The following HERPUD2 variants were observed in gnomAD, a reference collection of about 807,000 sequenced individuals.
The protein encoded by HERPUD2 is HERPUD family member 2, also known as homocysteine-responsive endoplasmic reticulum-resident ubiquitin-like domain member 2 protein.
A neutral mutation model predicts 49.9 loss-of-function variants in HERPUD2; 13 were observed. That is an observed-to-expected ratio of 0.26 (90% CI 0.17 to 0.41). The LOEUF (loss-of-function observed/expected upper bound fraction) is 0.41. Among genes scored for constraint, HERPUD2 ranks in the 10% least tolerant of loss-of-function variants. HERPUD2 has a pLI of 1.00. For synonymous variants in HERPUD2, 172 were observed against 171.4 expected (o/e 1.00, Z -0.03); for missense variants, 449 against 492.2 (o/e 0.91, Z 0.83).
At chr7:35,680,322 T>C (rs2116008856) in intron 2 of HERPUD2, among the ~76,000 whole-genome samples, 1 of 151,730 alleles carries the variant, frequency 6.6e-6, no homozygotes, top group East Asian at 1.9e-4. Context: ...GGTGAGAGGA[T>C]CACTTGAGCC....
At chr7:35,647,815 T>A (rs1203897938) in intron 5 of HERPUD2, among the ~76,000 whole-genome samples, 1 of 152,218 alleles carries the variant, frequency 6.6e-6, no homozygotes. Flanking sequence ...AAGTGGCAGA[T>A]AACAGTGCTG....
intron 2 of HERPUD2, among the ~76,000 whole-genome samples, chr7:35,674,671 C>T (rs1187600533): frequency 6.6e-6 from 1 of 151,470 alleles, no homozygotes; most frequent in African/African-American, 2.4e-5. Flanking sequence ...CACCCCCACC[C>T]CCAACCTCCA....
intron 2 of HERPUD2, among the ~76,000 whole-genome samples, chr7:35,673,871 T>C (rs781239789): frequency 2.6e-5 from 4 of 152,170 alleles, no homozygotes; most frequent in Non-Finnish European, 5.9e-5. Context: ...TTGTTAAGTT[T>C]TTCAAAAACA....
chr7:35,675,305 T>C (rs1785738257), intron 2 of HERPUD2, among the ~76,000 whole-genome samples: 1 of 152,226 alleles, frequency 6.6e-6, no homozygotes, highest in Non-Finnish European at 1.5e-5. Flanking sequence ...AGAAACTCAG[T>C]TAGTTTTTTC....
intron 5 of HERPUD2, among the ~76,000 whole-genome samples, chr7:35,642,871 T>C (rs761428801): frequency 6.6e-5 from 10 of 152,188 alleles, no homozygotes; most frequent in Non-Finnish European, 1.5e-4. Flanking sequence ...GCTTAGTACC[T>C]GGGTGACCAA....
intron 4 of HERPUD2, 40 bp from the exon 5 acceptor site, chr7:35,667,628 C>T: frequency 6.7e-7 from 1 of 1,493,240 alleles, no homozygotes; most frequent in South Asian, 1.2e-5. Flanking sequence ...AGATTTAGTT[C>T]TTTACAATCA....
chr7:35,687,154 A>C (rs937595726), intron 2 of HERPUD2, among the ~76,000 whole-genome samples: 1 of 152,184 alleles, frequency 6.6e-6, no homozygotes, highest in Non-Finnish European at 1.5e-5. Context: ...TAACACAATA[A>C]AAGTTCATTC....
intron 5 of HERPUD2, among the ~76,000 whole-genome samples, chr7:35,659,182 T>C (rs1400167899): frequency 6.6e-6 from 1 of 152,212 alleles, no homozygotes; most frequent in Non-Finnish European, 1.5e-5. Context: ...CTTGCACATT[T>C]TAAGGCTAAG....
chr7:35,665,677 G>T (rs1352805591), intron 5 of HERPUD2, among the ~76,000 whole-genome samples: 3 of 152,184 alleles, frequency 2.0e-5, no homozygotes, highest in Non-Finnish European at 2.9e-5. Context: ...CCCATCTTCT[G>T]CATCGTTCAT....
intron 2 of HERPUD2, among the ~76,000 whole-genome samples, chr7:35,687,945 T>C (rs1267145552): frequency 6.6e-6 from 1 of 152,218 alleles, no homozygotes; most frequent in Non-Finnish European, 1.5e-5. Context: ...TATATCCAAC[T>C]TCAGCATAAT....
rs1397642997 is a variant in HERPUD2, at chr7:35,633,767, T to C, written c.1144A>G (p.Met382Val). The change falls in exon 9 of 9, where the codon ATG becomes GTG. Residue 382 changes from methionine (M) to valine (V), a missense_variant. Met to Val is a conservative substitution (Grantham distance 21). Coordinates refer to ENST00000311350, the MANE Select transcript of HERPUD2 (RefSeq NM_022373.5). ...DASAIQRPGL[M>V]ASAWSFITTF... ...GTGATGAAAGACCAAGCTGAAGCCA[T>C]TAATCCAGGCCTTTGAATTGCACTG... The C allele has an allele frequency of 1.2e-6, 2 of 1,614,086 alleles. No homozygotes were observed. Among genetic ancestry groups the C allele is most frequent in the South Asian group, 1.1e-5 (1 of 91,076 alleles).
intron 5 of HERPUD2, among the ~76,000 whole-genome samples, chr7:35,655,894 C>G (rs1199518195): frequency 1.3e-5 from 2 of 152,214 alleles, no homozygotes; most frequent in Admixed American, 1.3e-4. Flanking sequence ...AGTGTGGTGG[C>G]TCACGCCTGT....
rs185897544 is a variant in HERPUD2, at chr7:35,652,325, G to A, written c.495-13853C>T. Among the ~76,000 whole-genome samples the A allele has an allele frequency of 3.8e-3, 570 of 150,424 alleles. 6 individuals carry two copies. The highest frequency in any genetic ancestry group is 0.01 in the Middle Eastern group (3 of 292). On this transcript the variant is annotated intron_variant, in intron 5 of 8. Coordinates refer to ENST00000311350, the MANE Select transcript of HERPUD2 (RefSeq NM_022373.5). Reference sequence around the variant, plus strand: ...GTCAGTAAATTCTTTTTACCAACCTGCAAGTTGACCACTTCCTGGTGCCAG... The same window carrying A: ...GTCAGTAAATTCTTTTTACCAACCTACAAGTTGACCACTTCCTGGTGCCAG...
intron 5 of HERPUD2, among the ~76,000 whole-genome samples, chr7:35,652,572 G>A (rs1172055509): frequency 6.7e-6 from 1 of 149,362 alleles, no homozygotes; most frequent in Non-Finnish European, 1.5e-5. Context: ...TATTTGAAGT[G>A]AAGAAAGAAA....
At chr7:35,635,555 A>AT (rs1784858322) in intron 6 of HERPUD2, 97 bp from the exon 7 acceptor site, 12 of 1,002,348 alleles carry the variant, frequency 1.2e-5, no homozygotes, top group Non-Finnish European at 1.7e-5. Flanking sequence ...ATTTTTCATA[A>AT]ACCTAATATG....
chr7:35,684,823 G>A (rs969052776), intron 2 of HERPUD2, among the ~76,000 whole-genome samples: 1 of 152,088 alleles, frequency 6.6e-6, no homozygotes, highest in African/African-American at 2.4e-5. Context: ...GGGTACACCA[G>A]AATATCATAA....
At chr7:35,645,002 G>A (rs566490762) in intron 5 of HERPUD2, among the ~76,000 whole-genome samples, 17 of 152,184 alleles carry the variant, frequency 1.1e-4, no homozygotes, top group African/African-American at 4.1e-4. Context: ...ACTGTTTACA[G>A]ATAAAATTAT....
In HERPUD2 at chr7:35,667,571, T is replaced by A. The variant is rs1421647548; in HGVS notation, c.357A>T (p.Gly119=). ...SSSNSSSDHS[G]STTPSSGQET... is the part of the protein sequence containing the mutation. ...CTTGACCAGATGATGGAGTTGTTGA[T>A]CCTGAATGATCTGAACTCTACAAAT... The change falls in exon 5 of 9, where the codon GGA becomes GGT. Residue 119 remains glycine (G), a synonymous_variant. Coordinates refer to ENST00000311350, the MANE Select transcript of HERPUD2 (RefSeq NM_022373.5). The A allele has an allele frequency of 1.2e-6, 2 of 1,612,774 alleles. No homozygotes were observed. Among genetic ancestry groups the A allele is most frequent in the Non-Finnish European group, 1.7e-6 (2 of 1,178,958 alleles).
chr7:35,649,567 G>C (rs1220468260), intron 5 of HERPUD2, among the ~76,000 whole-genome samples: 1 of 152,150 alleles, frequency 6.6e-6, no homozygotes, highest in African/African-American at 2.4e-5. Context: ...ATACATTTTA[G>C]GGAGACATGG....
Sources: allele counts gnomAD v4.1 joint callset (sites outside exome capture counted in the v4.1 genomes callset), GRCh38; gene constraint gnomAD v4.1.1; transcripts MANE v1.5; gene names NCBI Gene and HGNC (gene_info 2026-07-23, HGNC 2026-07-21).